PAPSS2: variants seen among roughly 807,000 people sequenced by gnomAD.
PAPSS2 encodes the protein bifunctional 3'-phosphoadenosine 5'-phosphosulfate synthase 2.
In PAPSS2, 61 loss-of-function variants were observed where a neutral mutation model predicts 66.5. That is an observed-to-expected ratio of 0.92 (90% CI 0.75 to 1.14). The LOEUF is 1.14. PAPSS2 is among the 50% of genes most tolerant of loss of function. PAPSS2 has a pLI of 0.00. For synonymous variants in PAPSS2, 289 were observed against 287.5 expected, an observed-to-expected ratio of 1.01 and a Z score of -0.05; for missense variants, 708 against 789.6, an observed-to-expected ratio of 0.90 and a Z score of 1.24.
chr10:87,664,610 C>T (rs1852793081), intron 1 of PAPSS2, among the ~76,000 whole-genome samples: 1 of 152,120 alleles, frequency 6.6e-6, no homozygotes, highest in African/African-American at 2.4e-5. Flanking sequence ...GCATGTGGCT[C>T]TGTGGTTTGC....
intron 1 of PAPSS2, among the ~76,000 whole-genome samples, chr10:87,684,046 A>G (rs1853058221): frequency 6.6e-6 from 1 of 152,218 alleles, no homozygotes. Flanking sequence ...TAGAGACGTG[A>G]CATGTAGCCT....
At chr10:87,660,664 A>G (rs956101533) in intron 1 of PAPSS2, among the ~76,000 whole-genome samples, 7 of 152,118 alleles carry the variant, frequency 4.6e-5, no homozygotes, top group Non-Finnish European at 8.8e-5. Context: ...AGAATTAATA[A>G]TCTGAGCTGT....
chr10:87,701,327 C>CTTTCTTTCTTT (rs1853306200), intron 1 of PAPSS2, among the ~76,000 whole-genome samples: 4 of 72,254 alleles, frequency 5.5e-5, no homozygotes, highest in African/African-American at 1.7e-4. Context: ...TTCCTTCCTT[C>CTTTCTTTCTTT]CTTTCTTTCT....
At chr10:87,675,478 T>C (rs1243154404) in intron 1 of PAPSS2, among the ~76,000 whole-genome samples, 2 of 152,036 alleles carry the variant, frequency 1.3e-5, no homozygotes, top group Admixed American at 6.6e-5. Context: ...GTGTCTTGAG[T>C]GGTTTTGTTG....
At position 87,743,522 on chromosome 10, in the gene PAPSS2, G is replaced by A; in HGVS notation, c.1372G>A (p.Val458Met). ...GGGCGGCTGGACCAAGGATGACGAT[G>A]TGCCTCTAGACTGGCGGATGAAGCA... ...PLGGWTKDDD[V>M]PLDWRMKQHA... The change falls in exon 11 of 13, where the codon GTG becomes ATG. Residue 458 changes from valine to methionine, a missense_variant. Val to Met is a conservative substitution (Grantham distance 21). Transcript: ENST00000456849. 1 of 1,614,152 alleles carries A rather than the reference G, an allele frequency of 6.2e-7. No homozygotes were observed. Among genetic ancestry groups the A allele is most frequent in the South Asian group, 1.1e-5 (1 of 91,076 alleles).
intron 11 of PAPSS2, 109 bp from the exon 12 acceptor site, chr10:87,744,893 G>T (rs1487443586): frequency 1.1e-6 from 1 of 899,176 alleles, no homozygotes. Context: ...ATTCTTAGTT[G>T]ACTCACATTG....
intron 2 of PAPSS2, 126 bp from the exon 3 acceptor site, chr10:87,712,949 C>T: frequency 1.5e-6 from 1 of 676,368 alleles, no homozygotes; most frequent in South Asian, 1.7e-5. Flanking sequence ...GTCAACTACA[C>T]TGATTTCTTT....
At chr10:87,732,302 G>A (rs1853739872) in intron 9 of PAPSS2, among the ~76,000 whole-genome samples, 1 of 152,084 alleles carries the variant, frequency 6.6e-6, no homozygotes, top group Non-Finnish European at 1.5e-5. Context: ...GAGGCCGATT[G>A]TTTCAGCCCA....
chr10:87,707,774 G>A (rs1362988717), intron 1 of PAPSS2, among the ~76,000 whole-genome samples: 1 of 151,882 alleles, frequency 6.6e-6, no homozygotes, highest in Non-Finnish European at 1.5e-5. Flanking sequence ...GTCTCACTAT[G>A]TTGCCCAGGC....
chr10:87,708,917 G>A (rs1162341011), intron 1 of PAPSS2, among the ~76,000 whole-genome samples: 2 of 152,148 alleles, frequency 1.3e-5, no homozygotes, highest in Non-Finnish European at 2.9e-5. Context: ...AACTGCTTAT[G>A]AATAACATTA....
chr10:87,693,469 C>A (rs913547220), intron 1 of PAPSS2, among the ~76,000 whole-genome samples: 1 of 152,130 alleles, frequency 6.6e-6, no homozygotes, highest in Non-Finnish European at 1.5e-5. Context: ...CATTTCCAAC[C>A]GAAGGACTCT....
chr10:87,737,017 A>G (rs554119229), intron 9 of PAPSS2, among the ~76,000 whole-genome samples: 1 of 152,300 alleles, frequency 6.6e-6, no homozygotes, highest in Non-Finnish European at 1.5e-5. Flanking sequence ...CTGGAAAGAC[A>G]GGTTGGGAGA....
At chr10:87,724,164 T>C (rs1299770728) in intron 8 of PAPSS2, among the ~76,000 whole-genome samples, 2 of 152,084 alleles carry the variant, frequency 1.3e-5, no homozygotes, top group Non-Finnish European at 2.9e-5. Context: ...AGAAATGAGA[T>C]GTTTTTAGAA....
rs1564721784 is a variant in PAPSS2, at chr10:87,715,013, A to G, written c.668A>G (p.Asp223Gly). The G allele has an allele frequency of 6.2e-7, 1 of 1,612,400 alleles. No individual in the cohort carries two copies. The highest frequency in any genetic ancestry group is 8.5e-7 in the Non-Finnish European group (1 of 1,178,422). Residue 223 changes from aspartate to glycine, a missense_variant, in exon 6 of 13, where the codon GAT (aspartate) becomes GGT (glycine). Transcript: ENST00000456849. ...QNIVPYTIIK[D>G]IHELFVPENK... ...ATTGTACCCTATACTATAATCAAAG[A>G]TATCCACGAACTCTTTGTGCCGGAA...
At chr10:87,697,419 T>A (rs534534337) in intron 1 of PAPSS2, among the ~76,000 whole-genome samples, 1 of 152,238 alleles carries the variant, frequency 6.6e-6, no homozygotes, top group East Asian at 1.9e-4. Context: ...AAGTTCCAAC[T>A]CAGCCAGACA....
rs1211861126 is a variant in PAPSS2, at chr10:87,713,254, C to T, written c.325C>T (p.Leu109=). ...CCGCCGGATTGCTGAGGTGGCTAAGCTGTTTGCTGATGCTGGTCTGGTCTG... is the reference window on the plus strand; with the variant it reads ...CCGCCGGATTGCTGAGGTGGCTAAGTTGTTTGCTGATGCTGGTCTGGTCTG... ...NIRRIAEVAK[L]FADAGLVCIT... Residue 109 remains leucine (L), a synonymous_variant, in exon 3 of 13, where the codon CTG becomes TTG. Coordinates refer to ENST00000456849, the MANE Select transcript of PAPSS2 (RefSeq NM_001015880.2). The T allele has an allele frequency of 6.5e-7, 1 of 1,544,492 alleles. No individual in the cohort carries two copies. Among genetic ancestry groups the T allele is most frequent in the East Asian group, 2.6e-5 (1 of 38,356 alleles).
At chr10:87,710,601 G>A (rs1197693995) in intron 2 of PAPSS2, among the ~76,000 whole-genome samples, 1 of 152,142 alleles carries the variant, frequency 6.6e-6, no homozygotes, top group Non-Finnish European at 1.5e-5. Flanking sequence ...AAAAGAAAAA[G>A]AGAATTGGTA....
intron 1 of PAPSS2, chr10:87,661,053 A>G (rs1564705202): frequency 2.2e-6 from 1 of 455,788 alleles, no homozygotes; most frequent in Non-Finnish European, 4.4e-6. Context: ...ATGGACACAT[A>G]GTAGGTGCCT....
Position 87,706,732 on chromosome 10 carries a change from C to T in PAPSS2, c.28-2464C>T, listed in dbSNP as rs12783904. Among the ~76,000 whole-genome samples the T allele has an allele frequency of 6.6e-5, 10 of 152,062 alleles. 1 individual carries two copies. In the East Asian group the frequency reaches 1.2e-3, roughly 18 times the overall value. On this transcript the variant is annotated intron_variant, in intron 1 of 12. Coordinates refer to ENST00000456849, the MANE Select transcript of PAPSS2 (RefSeq NM_001015880.2). ...CCTGATTGAACCACTGAACTGCAGT[C>T]GGGGTGACAGAGTAAGTCCCTGTCT...
Sources: gnomAD v4.1 joint callset for allele counts (sites outside exome capture counted in the v4.1 genomes callset) on GRCh38, gnomAD v4.1.1 for gene constraint, MANE v1.5 for transcripts, NCBI Gene and HGNC (gene_info 2026-07-23, HGNC 2026-07-21) for gene names.